Variants in SV2B observed in about 807,000 individuals in gnomAD.
The protein encoded by SV2B is synaptic vesicle glycoprotein 2B, also known as solute carrier family 22 member B2.
Under a neutral mutation model 73.9 loss-of-function variants are expected in SV2B, and 41 were observed. The observed-to-expected ratio is 0.56, with a 90% confidence interval of 0.43 to 0.72. The LOEUF (loss-of-function observed/expected upper bound fraction) is 0.72, where lower values mean the gene tolerates loss of function less well. Ranked by LOEUF, SV2B falls within the 30% of genes least tolerant of loss-of-function variation. The pLI, the probability that SV2B is intolerant of heterozygous loss-of-function variation, is 0.00. For synonymous variants in SV2B, 314 were observed against 314.2 expected, an observed-to-expected ratio of 1.00 and a Z score of 0.01; for missense variants, 764 against 857.8, an observed-to-expected ratio of 0.89 and a Z score of 1.37.
rs149596206 is a variant in SV2B at position 91,140,369 on chromosome 15, T to C, written c.-392+40006T>C. On this transcript the variant is annotated intron_variant, in intron 1 of 12. Transcript: ENST00000394232. The surrounding 1 kb of genome is among the most constrained non-coding windows in gnomAD (Gnocchi z 4.4). ...GATTTTAAAATAATAAAAATGCCTTTCAGCATTTTCTGTCTCAAAAGTCTA... is the reference window on the plus strand; with the variant it reads ...GATTTTAAAATAATAAAAATGCCTTCCAGCATTTTCTGTCTCAAAAGTCTA... 2.0e-5 allele frequency among the ~76,000 whole-genome samples: 3 copies of C among 152,350 alleles called. No homozygotes were observed. The East Asian group carries it at 5.8e-4, about 29-fold the overall frequency.
Position 91,260,405 on chromosome 15 carries a change from T to G in SV2B, c.1004T>G (p.Phe335Cys), listed in dbSNP as rs1274322333. The change falls in exon 6 of 13, where the codon TTC (phenylalanine) becomes TGC (cysteine). Residue 335 changes from phenylalanine (F) to cysteine (C), a missense_variant. Transcript: ENST00000394232. ...GCTAAGGGGACCCCAGAGAAAGTGT[T>G]CACGGTGAGTGTGGGGTTGCCTGCC... ...MRAKGTPEKVFTVSNIKTPKQ... is the reference protein window; with the variant it reads ...MRAKGTPEKVCTVSNIKTPKQ... 6.2e-7 allele frequency: 1 copy of G among 1,612,456 alleles called. No homozygotes were observed. Among genetic ancestry groups the G allele is most frequent in the Non-Finnish European group, 8.5e-7 (1 of 1,179,382 alleles).
At position 91,283,501 on chromosome 15, in the gene SV2B, C is replaced by T. The variant is rs2048748646; in HGVS notation, c.1508-520C>T. Among the ~76,000 whole-genome samples, 1 of 152,114 alleles carries T rather than the reference C, an allele frequency of 6.6e-6. No individual in the cohort carries two copies. Among genetic ancestry groups the T allele is most frequent in the African/African-American group, 2.4e-5 (1 of 41,434 alleles). ...CCCAGGCTGGAATGCAGTGGCATGA[C>T]CATGGCTCAATGTAGCCTTGACCTC... On this transcript the variant is annotated intron_variant, in intron 10 of 12. Transcript: ENST00000394232. This position sits in a 1 kb window ranked among gnomAD's most constrained non-coding sequence, Gnocchi z 4.3.
intron 1 of SV2B, among the ~76,000 whole-genome samples, chr15:91,134,800 G>A (rs909562850): frequency 1.3e-5 from 2 of 151,948 alleles, no homozygotes; most frequent in African/African-American, 2.4e-5. Flanking sequence ...AAACAACAGC[G>A]ACAACAAAAA....
At chr15:91,271,840 C>T (rs1001771485) in intron 9 of SV2B, among the ~76,000 whole-genome samples, 1 of 152,134 alleles carries the variant, frequency 6.6e-6, no homozygotes, top group Non-Finnish European at 1.5e-5. Context: ...CACGCGTGTT[C>T]TTTGGCTTCC....
At chr15:91,188,746 A>G (rs2044879876) in intron 1 of SV2B, among the ~76,000 whole-genome samples, 1 of 152,114 alleles carries the variant, frequency 6.6e-6, no homozygotes, top group Non-Finnish European at 1.5e-5. Context: ...GGTTTTCTTT[A>G]TTATTGTTCT....
At chr15:91,153,224 T>C (rs954086246) in intron 1 of SV2B, among the ~76,000 whole-genome samples, 1 of 152,180 alleles carries the variant, frequency 6.6e-6, no homozygotes, top group Non-Finnish European at 1.5e-5. Flanking sequence ...CTCTTAATAC[T>C]ATCATCTTAG....
At chr15:91,138,202 G>C (rs1367016057) in intron 1 of SV2B, among the ~76,000 whole-genome samples, 3 of 152,200 alleles carry the variant, frequency 2.0e-5, no homozygotes, top group Admixed American at 1.3e-4. Context: ...CTGAGGCGGA[G>C]CATGTCCAAT....
At chr15:91,272,757 T>C (rs182922517) in intron 9 of SV2B, among the ~76,000 whole-genome samples, 272 of 151,398 alleles carry the variant, frequency 1.8e-3, no homozygotes, top group African/African-American at 4.7e-3. Context: ...CAGAGGTTGC[T>C]GTCACGCATC....
At chr15:91,249,068 T>TCACACACACACACACACACA (rs59552488) in intron 2 of SV2B, among the ~76,000 whole-genome samples, 8 of 142,012 alleles carry the variant, frequency 5.6e-5, no homozygotes, top group South Asian at 2.3e-4. Flanking sequence ...ATCTACGTTT[T>TCACACACACACACACACACA]CACACACACA....
intron 1 of SV2B, among the ~76,000 whole-genome samples, chr15:91,145,423 T>C (rs890045112): frequency 6.6e-6 from 1 of 152,226 alleles, no homozygotes; most frequent in African/African-American, 2.4e-5. Context: ...ATGTCTTTGC[T>C]ATTGTGAATA....
At chr15:91,173,760 C>A (rs535726965) in intron 1 of SV2B, among the ~76,000 whole-genome samples, 4 of 152,176 alleles carry the variant, frequency 2.6e-5, no homozygotes, top group Non-Finnish European at 4.4e-5. Context: ...GTGAATATTT[C>A]AACATCAGAA....
rs1166551550 is a variant in SV2B at position 91,223,482 on chromosome 15, C to T, written c.-391-2391C>T. Reference sequence around the variant, plus strand: ...ATCCTCTTCTTTCTGCAAAGCAGCTCCCAGAACCTTTGCCCTGGGTGGTGA... The same window carrying T: ...ATCCTCTTCTTTCTGCAAAGCAGCTTCCAGAACCTTTGCCCTGGGTGGTGA... On this transcript the variant is annotated intron_variant, in intron 1 of 12. Coordinates refer to ENST00000394232, the MANE Select transcript of SV2B (RefSeq NM_001323032.3). The surrounding 1 kb of genome is among the most constrained non-coding windows in gnomAD (Gnocchi z 4.6). Among the ~76,000 whole-genome samples the T allele has an allele frequency of 6.6e-6, 1 of 152,158 alleles. No individual in the cohort carries two copies. Among genetic ancestry groups the T allele is most frequent in the Non-Finnish European group, 1.5e-5 (1 of 68,034 alleles).
intron 1 of SV2B, among the ~76,000 whole-genome samples, chr15:91,102,794 A>G (rs1196391887): frequency 1.3e-5 from 2 of 152,220 alleles, no homozygotes; most frequent in African/African-American, 4.8e-5. Flanking sequence ...GCTTTTTGGT[A>G]AATGACATTT....
At chr15:91,210,195 A>G (rs2045804694) in intron 1 of SV2B, among the ~76,000 whole-genome samples, 1 of 152,012 alleles carries the variant, frequency 6.6e-6, no homozygotes, top group African/African-American at 2.4e-5. Flanking sequence ...ACTAGATGGG[A>G]CTGCAAGATA....
At position 91,234,421 on chromosome 15, in the gene SV2B, A is replaced by G. The variant is rs1465521548; in HGVS notation, c.451+7707A>G. Among the ~76,000 whole-genome samples the G allele has an allele frequency of 1.3e-5, 2 of 152,220 alleles. No individual in the cohort carries two copies. Among genetic ancestry groups the G allele is most frequent in the Admixed American group, 6.5e-5 (1 of 15,284 alleles). ...AATTGGATCCCAGGGTGCAAGGGCC[A>G]AGTGGTGGCACTCAGTCACCAAAGG... On this transcript the variant is annotated intron_variant, in intron 2 of 12. Coordinates refer to ENST00000394232, the MANE Select transcript of SV2B (RefSeq NM_001323032.3). This position sits in a 1 kb window ranked among gnomAD's most constrained non-coding sequence, Gnocchi z 5.6.
chr15:91,176,480 G>T lies in SV2B; in HGVS notation c.-391-49393G>T, dbSNP rs200388417. 5.5e-4 allele frequency among the ~76,000 whole-genome samples: 83 copies of T among 152,092 alleles called. No homozygotes were observed. The East Asian group carries it at 9.6e-3, about 18-fold the overall frequency. On this transcript the variant is annotated intron_variant, in intron 1 of 12. Coordinates refer to ENST00000394232, the MANE Select transcript of SV2B (RefSeq NM_001323032.3). ...GGAATCGCCACACTGACTTCCACAA[G>T]GGTTGAACTAGTTTACAGTCCCACC... is the stretch of plus-strand genomic sequence containing the variant.
At chr15:91,188,815 C>T (rs572157682) in intron 1 of SV2B, among the ~76,000 whole-genome samples, 1 of 151,982 alleles carries the variant, frequency 6.6e-6, no homozygotes, top group East Asian at 1.9e-4. Context: ...CCTATTTTCT[C>T]TCTTATTTTT....
intron 6 of SV2B, 134 bp from the exon 7 acceptor site, chr15:91,266,448 T>G (rs189627136): frequency 2.8e-5 from 18 of 642,852 alleles, no homozygotes; most frequent in African/African-American, 2.6e-4. Flanking sequence ...TTTGAATTTT[T>G]TTGAGTATGC....
At chr15:91,264,896 T>C (rs2141672701) in intron 6 of SV2B, among the ~76,000 whole-genome samples, 1 of 152,282 alleles carries the variant, frequency 6.6e-6, no homozygotes, top group African/African-American at 2.4e-5. Flanking sequence ...GCATAACTTC[T>C]GCTTTTAGTT....
Sources: gnomAD v4.1 joint callset for allele counts (sites outside exome capture counted in the v4.1 genomes callset) on GRCh38, gnomAD v4.1.1 for gene constraint, Gnocchi (gnomAD v3.1) non-coding constraint, MANE v1.5 for transcripts, NCBI Gene and HGNC (gene_info 2026-07-23, HGNC 2026-07-21) for gene names.